CREB5: variants seen among roughly 807,000 people sequenced by gnomAD.
The protein encoded by CREB5 is cAMP responsive element binding protein 5.
In CREB5, 19 loss-of-function variants were observed where a neutral mutation model predicts 57.1. The observed-to-expected ratio is 0.33, with a 90% CI of 0.23 to 0.49. The LOEUF (loss-of-function observed/expected upper bound fraction) is 0.49. Among genes scored for constraint, CREB5 ranks in the 20% least tolerant of loss-of-function variants. The probability of loss-of-function intolerance (pLI) is 0.99; values close to 1 mark genes in which losing one functional copy is unlikely to be tolerated. For missense variants in CREB5, 579 were observed against 671.6 expected, an observed-to-expected ratio of 0.86 and a Z score of 1.52; for synonymous variants, 238 against 238.3, an observed-to-expected ratio of 1.00 and a Z score of 0.01.
chr7:28,585,007 G>T (rs1269720423), intron 5 of CREB5, among the ~76,000 whole-genome samples: 2 of 152,208 alleles, frequency 1.3e-5, no homozygotes, highest in Non-Finnish European at 2.9e-5. Context: ...CAGATCCACA[G>T]TGACTATCTT....
chr7:28,579,064 T>C (rs543972717), intron 5 of CREB5, among the ~76,000 whole-genome samples: 14 of 152,350 alleles, frequency 9.2e-5, no homozygotes, highest in Admixed American at 5.9e-4. Flanking sequence ...ACTCTGACTG[T>C]ACCATGCATG....
rs1803207405 is a variant in CREB5 at position 28,724,262 on chromosome 7, T to G, written c.632T>G (p.Met211Arg). Residue 211 changes from methionine to arginine, a missense_variant, in exon 7 of 11, where the codon ATG (methionine) becomes AGG (arginine). Coordinates refer to ENST00000357727, the MANE Select transcript of CREB5 (RefSeq NM_182898.4). ...QMSVNSSIMG[M>R]QGPNLSNPCA... ...TCAGTGAACTCCAGCATCATGGGGATGCAAGGTCCAAATCTCAGCAACCCC... is the reference window on the plus strand; with the variant it reads ...TCAGTGAACTCCAGCATCATGGGGAGGCAAGGTCCAAATCTCAGCAACCCC... 1 of 1,613,608 alleles carries G rather than the reference T, an allele frequency of 6.2e-7. No individual in the cohort carries two copies. Among genetic ancestry groups the G allele is most frequent in the Non-Finnish European group, 8.5e-7 (1 of 1,179,838 alleles).
chr7:28,370,616 A>G (rs148898561), intron 1 of CREB5, among the ~76,000 whole-genome samples: 2 of 152,362 alleles, frequency 1.3e-5, no homozygotes, highest in Non-Finnish European at 2.9e-5. Context: ...TACTTAAATA[A>G]TAATAAATAA....
chr7:28,465,268 G>T (rs1265387606), intron 1 of CREB5, among the ~76,000 whole-genome samples: 1 of 152,168 alleles, frequency 6.6e-6, no homozygotes, highest in Non-Finnish European at 1.5e-5. Context: ...GTCTAGGCTT[G>T]TGCTAGGAGC....
intron 4 of CREB5, among the ~76,000 whole-genome samples, chr7:28,523,606 C>A (rs1052457769): frequency 6.6e-6 from 1 of 152,190 alleles, no homozygotes; most frequent in African/African-American, 2.4e-5. Flanking sequence ...TTCCAGTTTT[C>A]TTTCTCATTT....
chr7:28,533,882 CT>C (rs34742839), intron 4 of CREB5, among the ~76,000 whole-genome samples: 1 of 152,022 alleles, frequency 6.6e-6, no homozygotes, highest in Admixed American at 6.6e-5. Context: ...GGCTTAACAT[CT>C]TTTTTTGAAA....
intron 1 of CREB5, 134 bp from the exon 2 acceptor site, chr7:28,488,041 G>A (rs1176325114): frequency 2.8e-6 from 2 of 711,168 alleles, no homozygotes; most frequent in Non-Finnish European, 4.8e-6. Flanking sequence ...TCACATTAAT[G>A]TTCTGCTCAT....
intron 5 of CREB5, among the ~76,000 whole-genome samples, chr7:28,679,052 C>CTTTTTTTTTTTTTTTTTTTTTTCTTTT (rs56266854): frequency 8.1e-6 from 1 of 123,866 alleles, no homozygotes; most frequent in Non-Finnish European, 1.6e-5. Flanking sequence ...TTTTGTAGTT[C>CTTTTTTTTTTTTTTTTTTTTTTCTTTT]TTTTTTTTTT....
At chr7:28,750,989 G>A (rs1411068832) in intron 7 of CREB5, among the ~76,000 whole-genome samples, 1 of 152,088 alleles carries the variant, frequency 6.6e-6, no homozygotes, top group East Asian at 1.9e-4. Flanking sequence ...AAAATTTTAA[G>A]GTTAGAAATG....
chr7:28,516,517 G>A (rs77452835), intron 4 of CREB5, among the ~76,000 whole-genome samples: 263 of 152,272 alleles, frequency 1.7e-3, no homozygotes, highest in African/African-American at 6.0e-3. Flanking sequence ...CTGAAGCTCC[G>A]CAGGCACCGC....
intron 4 of CREB5, among the ~76,000 whole-genome samples, chr7:28,509,087 CAT>C (rs948954121): frequency 3.3e-5 from 5 of 151,954 alleles, no homozygotes; most frequent in South Asian, 2.1e-4. Context: ...TTTTGATAGA[CAT>C]GTGTATGTAG....
intron 5 of CREB5, among the ~76,000 whole-genome samples, chr7:28,690,954 G>C (rs9690752): frequency 0.65 from 98,219 of 152,032 alleles, 32,293 homozygotes; most frequent in African/African-American, 0.71. Flanking sequence ...GAGGATACTA[G>C]CGATTAAAAT....
chr7:28,775,136 G>T (rs2299113), intron 7 of CREB5, among the ~76,000 whole-genome samples: 98,022 of 151,932 alleles, frequency 0.65, 32,025 homozygotes, highest in East Asian at 0.75. Flanking sequence ...CCTAAAATAC[G>T]TTGTGTGGCT....
intron 5 of CREB5, among the ~76,000 whole-genome samples, chr7:28,709,041 A>C (rs1482640047): frequency 6.6e-6 from 1 of 152,204 alleles, no homozygotes; most frequent in Non-Finnish European, 1.5e-5. Context: ...TGTCTTTCTG[A>C]GGATATTTTT....
rs140685543 is a variant in CREB5, at chr7:28,641,689, G to A, written c.464+71152G>A. 2.7e-3 allele frequency among the ~76,000 whole-genome samples: 416 copies of A among 152,276 alleles called. 1 individual carries two copies. The highest frequency in any genetic ancestry group is 9.7e-3 in the African/African-American group (402 of 41,560). On this transcript the variant is annotated intron_variant, in intron 5 of 10. Coordinates refer to ENST00000357727, the MANE Select transcript of CREB5 (RefSeq NM_182898.4). Reference sequence around the variant, plus strand: ...TTTTCTCTGCCAGAAAGGAAATGGTGAGTTAGACTACAATTTGAAATGATT... The same window carrying A: ...TTTTCTCTGCCAGAAAGGAAATGGTAAGTTAGACTACAATTTGAAATGATT...
At chr7:28,419,011 C>T (rs1788129061) in intron 1 of CREB5, among the ~76,000 whole-genome samples, 1 of 152,172 alleles carries the variant, frequency 6.6e-6, no homozygotes, top group Non-Finnish European at 1.5e-5. Context: ...CAGCTTCAGG[C>T]TACATGTAGC....
At chr7:28,324,180 C>T (rs558569877) in intron 1 of CREB5, among the ~76,000 whole-genome samples, 4 of 152,288 alleles carry the variant, frequency 2.6e-5, no homozygotes, top group Admixed American at 2.6e-4. Context: ...GCCCTGAAAG[C>T]TCCTGTTTAA....
intron 1 of CREB5, among the ~76,000 whole-genome samples, chr7:28,392,007 C>T (rs1463802963): frequency 6.6e-6 from 1 of 152,078 alleles, no homozygotes; most frequent in African/African-American, 2.4e-5. Context: ...TTTTTCTTAG[C>T]AATGTAATGG....
chr7:28,506,296 G>A (rs1767631141), intron 3 of CREB5, among the ~76,000 whole-genome samples: 1 of 152,188 alleles, frequency 6.6e-6, no homozygotes, highest in South Asian at 2.1e-4. Flanking sequence ...TATAATTCTA[G>A]TTTCTTATAA....
Sources: gnomAD v4.1 joint callset for allele counts (sites outside exome capture counted in the v4.1 genomes callset) on GRCh38, gnomAD v4.1.1 for gene constraint, MANE v1.5 for transcripts, NCBI Gene and HGNC (gene_info 2026-07-23, HGNC 2026-07-21) for gene names.